The following FMN1 variants were observed in gnomAD, a reference collection of about 807,000 sequenced individuals.
The protein encoded by FMN1 is formin 1.
FMN1 carries 110 observed loss-of-function variants against 132.4 expected under a neutral mutation model. The ratio of observed to expected loss-of-function variants is 0.83; its 90% CI spans 0.71 to 0.97. FMN1 has a LOEUF of 0.97. FMN1 is among the 50% of genes least tolerant of loss of function. The pLI is 0.00. For missense variants in FMN1, 1,792 were observed against 1,705.3 expected (o/e 1.05, Z -0.90); for synonymous variants, 722 against 651.7 (o/e 1.11, Z -1.64).
chr15:32,792,508 TAGA>T (rs1447361780), intron 19 of FMN1, among the ~76,000 whole-genome samples: 1 of 151,248 alleles, frequency 6.6e-6, no homozygotes, highest in African/African-American at 2.4e-5. Flanking sequence ...AAGAATTAGT[TAGA>T]AGGAGTCATC....
intron 6 of FMN1, among the ~76,000 whole-genome samples, chr15:33,043,166 C>T (rs755669887): frequency 1.2e-4 from 19 of 152,170 alleles, no homozygotes; most frequent in Non-Finnish European, 2.2e-4. Flanking sequence ...AGCTGAGCAG[C>T]GAGCCATGGT....
chr15:33,103,137 AAC>A (rs1398680846), intron 4 of FMN1, among the ~76,000 whole-genome samples: 1 of 152,112 alleles, frequency 6.6e-6, no homozygotes, highest in Non-Finnish European at 1.5e-5. Flanking sequence ...ACATTACATG[AAC>A]AGTTTTATGT....
chr15:32,956,386 A>T (rs2061769787), intron 9 of FMN1, among the ~76,000 whole-genome samples: 1 of 152,108 alleles, frequency 6.6e-6, no homozygotes, highest in Non-Finnish European at 1.5e-5. Context: ...AAAATAAGCA[A>T]ATAAAATAAA....
intron 6 of FMN1, among the ~76,000 whole-genome samples, chr15:33,015,919 G>C (rs961176018): frequency 2.6e-5 from 4 of 151,506 alleles, no homozygotes; most frequent in African/African-American, 4.9e-5. Flanking sequence ...GTGTTGATCG[G>C]AGTTTGGTCC....
intron 5 of FMN1, among the ~76,000 whole-genome samples, chr15:33,081,391 AAAGT>A (rs1335949079): frequency 6.6e-6 from 1 of 152,188 alleles, no homozygotes; most frequent in Non-Finnish European, 1.5e-5. Flanking sequence ...GTAATAATTA[AAAGT>A]AATTAGGATA....
intron 4 of FMN1, among the ~76,000 whole-genome samples, chr15:33,129,169 G>A (rs781291156): frequency 5.9e-5 from 9 of 152,124 alleles, no homozygotes; most frequent in Admixed American, 1.3e-4. Flanking sequence ...AATGTAACTC[G>A]GAGAAAACAG....
intron 7 of FMN1, among the ~76,000 whole-genome samples, chr15:32,997,165 C>T (rs1172304732): frequency 1.3e-5 from 2 of 152,126 alleles, no homozygotes; most frequent in Admixed American, 1.3e-4. Flanking sequence ...GGCTCAGGAC[C>T]AGCTATGAGA....
chr15:32,777,164 G>C (rs564918193), intron 19 of FMN1, among the ~76,000 whole-genome samples: 130 of 152,124 alleles, frequency 8.5e-4, no homozygotes, highest in African/African-American at 3.0e-3. Context: ...GCCTGTTTTT[G>C]TGAACAATGT....
At chr15:32,791,975 TG>T (rs1375539959) in intron 19 of FMN1, among the ~76,000 whole-genome samples, 1 of 151,960 alleles carries the variant, frequency 6.6e-6, no homozygotes, top group East Asian at 1.9e-4. Flanking sequence ...TGAAAATAGT[TG>T]GGACTAACAA....
At chr15:32,822,253 G>A (rs1291885296) in intron 17 of FMN1, among the ~76,000 whole-genome samples, 2 of 152,186 alleles carry the variant, frequency 1.3e-5, no homozygotes, top group Non-Finnish European at 2.9e-5. Flanking sequence ...GGAAGCTGAG[G>A]CAGGAGAATC....
In FMN1 at chr15:33,154,693, A is replaced by T; in HGVS notation, c.222T>A (p.Phe74Leu). ...TGTCTTTCGTGGGAGTCTGCTTGAAAAATATGTCGCCTGGATGTTCGTCCG... is the reference window on the plus strand; with the variant it reads ...TGTCTTTCGTGGGAGTCTGCTTGAATAATATGTCGCCTGGATGTTCGTCCG... Reference protein sequence around the residue: ...QEPDEHPGDIFFKQTPTKDIL... With the variant: ...QEPDEHPGDILFKQTPTKDIL... The change falls in exon 4 of 21, where the codon TTT becomes TTA. Residue 74 changes from phenylalanine to leucine, a missense_variant. Phe to Leu is a conservative substitution (Grantham distance 22). Coordinates refer to ENST00000616417, the MANE Select transcript of FMN1 (RefSeq NM_001277313.2). The T allele has an allele frequency of 6.5e-7, 1 of 1,536,058 alleles. No homozygotes were observed. The highest frequency in any genetic ancestry group is 8.7e-7 in the Non-Finnish European group (1 of 1,146,906).
chr15:32,799,103 T>C, intron 18 of FMN1, 150 bp from the exon 19 acceptor site: 1 of 651,954 alleles, frequency 1.5e-6, no homozygotes, highest in Non-Finnish European at 2.6e-6. Context: ...AAGTTTATTG[T>C]AAACCTCAGA....
rs1194810010 is a variant in FMN1, at chr15:33,155,058, CAG to C, written c.-131-15_-131-14del. On this transcript the variant is annotated splice_polypyrimidine_tract_variant and intron_variant, in intron 3 of 20. Coordinates refer to ENST00000616417, the MANE Select transcript of FMN1 (RefSeq NM_001277313.2). The stretch of plus-strand genomic sequence containing the variant: ...GCAATGAGACTGCCTGTTAGAGGAA[CAG>C]GGGAAGAAAGCAGCTTGTCTAACAG... 3.1e-6 allele frequency: 2 copies of C among 637,970 alleles called. No individual in the cohort carries two copies. The highest frequency in any genetic ancestry group is 3.7e-5 in the African/African-American group (2 of 54,534). 39.5% of individuals were successfully genotyped at this position (637,970 alleles called of 1,614,324 possible). A position where few individuals can be genotyped will look rare whatever the true frequency, so the allele number is the denominator to read the frequency against.
intron 16 of FMN1, among the ~76,000 whole-genome samples, chr15:32,878,562 C>A (rs1038542206): frequency 6.6e-6 from 1 of 152,088 alleles, no homozygotes; most frequent in Non-Finnish European, 1.5e-5. Context: ...GACATGAGAG[C>A]ACAAAAGGAA....
At chr15:32,825,101 C>A (rs921510) in intron 17 of FMN1, among the ~76,000 whole-genome samples, 32,008 of 152,144 alleles carry the variant, frequency 0.21, 3,742 homozygotes, top group East Asian at 0.51. Flanking sequence ...TTGAATTCAT[C>A]CATACTTTTC....
At chr15:32,790,189 A>T (rs2057026516) in intron 19 of FMN1, among the ~76,000 whole-genome samples, 1 of 152,256 alleles carries the variant, frequency 6.6e-6, no homozygotes, top group African/African-American at 2.4e-5. Flanking sequence ...ACACTGCATG[A>T]TTCCTCCAAA....
At position 32,774,373 on chromosome 15, in the gene FMN1, T is replaced by C. The variant is rs1030754757; in HGVS notation, c.4216-19A>G. Reference sequence around the variant, plus strand: ...TTTCTTTCTGTTAAGGAAAAAAAAATGAATGTATCATTTTCTTTCATCTTT... The same window carrying C: ...TTTCTTTCTGTTAAGGAAAAAAAAACGAATGTATCATTTTCTTTCATCTTT... On this transcript the variant is annotated intron_variant, in intron 20 of 20. Transcript: ENST00000616417. 6.4e-7 allele frequency: 1 copy of C among 1,561,228 alleles called. No homozygotes were observed. Among genetic ancestry groups the C allele is most frequent in the Non-Finnish European group, 8.7e-7 (1 of 1,148,988 alleles).
chr15:33,079,978 C>A (rs940409747), intron 5 of FMN1, among the ~76,000 whole-genome samples: 10 of 152,176 alleles, frequency 6.6e-5, no homozygotes, highest in East Asian at 1.9e-4. Context: ...GACACATGAT[C>A]TGTCTCTCAT....
intron 6 of FMN1, among the ~76,000 whole-genome samples, chr15:33,041,181 A>T (rs926920210): frequency 5.3e-5 from 8 of 152,222 alleles, no homozygotes; most frequent in Admixed American, 4.6e-4. Flanking sequence ...CATTTCAAAT[A>T]TACCAGTAAT....
Sources: allele counts gnomAD v4.1 joint callset (sites outside exome capture counted in the v4.1 genomes callset), GRCh38; gene constraint gnomAD v4.1.1; transcripts MANE v1.5; gene names NCBI Gene and HGNC (gene_info 2026-07-23, HGNC 2026-07-21).